The following ACACA variants were observed in gnomAD, a reference collection of about 807,000 sequenced individuals.
ACACA encodes acetyl-CoA carboxylase alpha.
A neutral mutation model predicts 296.1 loss-of-function variants in ACACA; 103 were observed. The observed-to-expected ratio is 0.35, with a 90% CI of 0.30 to 0.41. The LOEUF (loss-of-function observed/expected upper bound fraction) is 0.41. Among genes scored for constraint, ACACA ranks in the 10% least tolerant of loss-of-function variants. The probability of loss-of-function intolerance (pLI) is 1.00; values close to 1 mark genes in which losing one functional copy is unlikely to be tolerated. For synonymous variants in ACACA, 953 were observed against 1,038.6 expected (o/e 0.92, Z 1.58); for missense variants, 1,554 against 2,989.7 (o/e 0.52, Z 11.20).
chr17:37,120,556 C>T lies in ACACA; in HGVS notation c.6274+799G>A, dbSNP rs558921083. ...CTGGGATTACAGGCGTGAGCCACCC[C>T]GCCTGGCCCTATCCTATTGCTTTAG... On this transcript the variant is annotated intron_variant, in intron 50 of 55. Coordinates refer to ENST00000616317, the MANE Select transcript of ACACA (RefSeq NM_198834.3). Among the ~76,000 whole-genome samples the T allele has an allele frequency of 3.3e-5, 5 of 152,214 alleles. No individual in the cohort carries two copies. The East Asian group carries it at 9.6e-4, about 29-fold the overall frequency.
At chr17:37,386,087 C>T in intron 1 of ACACA, 1 of 1,598,834 alleles carries the variant, frequency 6.3e-7, no homozygotes, top group Non-Finnish European at 8.6e-7. Flanking sequence ...CCTTCTATAA[C>T]TCCTGGGAAT....
intron 16 of ACACA, among the ~76,000 whole-genome samples, chr17:37,249,206 C>T (rs896438682): frequency 1.3e-5 from 2 of 152,184 alleles, no homozygotes; most frequent in Non-Finnish European, 2.9e-5. Context: ...TTCTTTAAGG[C>T]TGAATAATAC....
chr17:37,319,384 T>A (rs533492261), intron 3 of ACACA, among the ~76,000 whole-genome samples: 2 of 152,098 alleles, frequency 1.3e-5, no homozygotes, highest in Non-Finnish European at 1.5e-5. Context: ...AGTAAAAAAA[T>A]ATGAATATAT....
intron 43 of ACACA, among the ~76,000 whole-genome samples, 165 bp downstream of exon 43, chr17:37,155,518 G>A (rs536001798): frequency 6.6e-6 from 1 of 152,010 alleles, no homozygotes; most frequent in Non-Finnish European, 1.5e-5. Context: ...ATAACCCAAG[G>A]TTCTTCAGCT....
rs74580926 is a variant in ACACA, at chr17:37,188,218, C to T, written c.4776+59G>A. The T allele has an allele frequency of 4.2e-3, 6,339 of 1,517,404 alleles. 223 individuals are homozygous for T. In the African/African-American group the frequency reaches 0.077, roughly 18 times the overall value. The allele number at this position is 1,517,404 out of a possible 1,614,324, so 94.0% of individuals were successfully genotyped here. The stretch of plus-strand genomic sequence containing the variant: ...GAGTGTGGGTCTTCTATAACAAGGA[C>T]GAGTGTCTTATCTGTAGGACCAAAT... On this transcript the variant is annotated intron_variant, in intron 39 of 55. Transcript: ENST00000616317.
At chr17:37,232,784 T>G (rs1041830746) in intron 25 of ACACA, among the ~76,000 whole-genome samples, 5 of 152,154 alleles carry the variant, frequency 3.3e-5, no homozygotes, top group Non-Finnish European at 4.4e-5. Flanking sequence ...TTTTGTTTTT[T>G]TTTTAAAGAA....
intron 54 of ACACA, 109 bp downstream of exon 54, chr17:37,096,887 T>A: frequency 7.5e-6 from 10 of 1,327,682 alleles, no homozygotes; most frequent in Non-Finnish European, 2.2e-6. Flanking sequence ...TATGTTTCCC[T>A]TCTACTCCTG....
intron 1 of ACACA, among the ~76,000 whole-genome samples, chr17:37,403,047 TTACAAAGACAACAGTGTC>T (rs2051344858): frequency 6.6e-6 from 1 of 152,176 alleles, no homozygotes; most frequent in African/African-American, 2.4e-5. Context: ...AGCACTGAGG[TTACAAAGACAACAGTGTC>T]TGTCCTCAAG....
intron 3 of ACACA, among the ~76,000 whole-genome samples, chr17:37,285,819 G>T (rs1350562957): frequency 1.3e-5 from 2 of 151,978 alleles, no homozygotes; most frequent in African/African-American, 4.8e-5. Flanking sequence ...AACAGAATGA[G>T]ATGGGTGTCT....
At chr17:37,234,599 C>A (rs999389155) in intron 25 of ACACA, among the ~76,000 whole-genome samples, 2 of 151,642 alleles carry the variant, frequency 1.3e-5, no homozygotes, top group African/African-American at 4.9e-5. Flanking sequence ...GACATGAGAG[C>A]CATTGCTTGT....
At position 37,226,276 on chromosome 17, in the gene ACACA, G is replaced by T. The variant is rs185596594; in HGVS notation, c.3360+63C>A. On this transcript the variant is annotated intron_variant, in intron 26 of 55. Transcript: ENST00000616317. ...AAGTGATTAAGCAAAAGTTCATTGTGTCTAGGACTGCCTGATCTATGAAAG... is the reference window on the plus strand; with the variant it reads ...AAGTGATTAAGCAAAAGTTCATTGTTTCTAGGACTGCCTGATCTATGAAAG... 5 of 1,241,238 alleles carry T rather than the reference G, an allele frequency of 4.0e-6. No individual in the cohort carries two copies. In the Admixed American group the frequency reaches 6.7e-5, roughly 17 times the overall value. 76.9% of individuals were successfully genotyped at this position (1,241,238 alleles called of 1,614,324 possible). A position where few individuals can be genotyped will look rare whatever the true frequency, so the allele number is the denominator to read the frequency against.
rs2072261281 is a variant in ACACA at position 37,087,184 on chromosome 17, G to A, written c.*132C>T. The A allele has an allele frequency of 7.8e-6, 10 of 1,277,282 alleles. No homozygotes were observed. Among genetic ancestry groups the A allele is most frequent in the Admixed American group, 1.9e-5 (1 of 53,410 alleles). The allele number at this position is 1,277,282 out of a possible 1,614,324, so 79.1% of individuals were successfully genotyped here. ...CAGGATGTCATGCATAACCTGAAAC[G>A]AGAGGAAGTAAAATGCCATTTGACT... On this transcript the variant is annotated 3_prime_UTR_variant, in exon 56 of 56. Transcript: ENST00000616317.
chr17:37,302,319 C>T (rs1382867078), intron 3 of ACACA, among the ~76,000 whole-genome samples: 7 of 152,086 alleles, frequency 4.6e-5, no homozygotes, highest in Non-Finnish European at 8.8e-5. Flanking sequence ...AAGCGATTCT[C>T]CCGCCTCAGC....
At chr17:37,289,543 A>T (rs1436772707) in intron 3 of ACACA, 1 of 1,335,766 alleles carries the variant, frequency 7.5e-7, no homozygotes, top group Admixed American at 1.9e-5. Flanking sequence ...GGATACAAAA[A>T]TGTCAATCAA....
At position 37,147,681 on chromosome 17, in the gene ACACA, A is replaced by G. The variant is rs373104969; in HGVS notation, c.5679+2183T>C. On this transcript the variant is annotated intron_variant, in intron 45 of 55. Transcript: ENST00000616317. The stretch of plus-strand genomic sequence containing the variant: ...ATAGTGAAGCAGGCAGAGCAACATT[A>G]GGTAACCTCTGTATCTGATCACTCC... 2.6e-4 allele frequency among the ~76,000 whole-genome samples: 39 copies of G among 152,348 alleles called. No individual in the cohort carries two copies. In the East Asian group the frequency reaches 5.2e-3, roughly 20 times the overall value.
Position 37,339,938 on chromosome 17 carries a change from T to C in ACACA, c.39-88A>G. 2.0e-5 allele frequency: 14 copies of C among 701,686 alleles called. 1 individual carries two copies. Among genetic ancestry groups the C allele is most frequent in the Middle Eastern group, 3.2e-4 (1 of 3,164 alleles). The allele number at this position is 701,686 out of a possible 1,614,324, so 43.5% of individuals were successfully genotyped here. On this transcript the variant is annotated intron_variant, in intron 1 of 55. Transcript: ENST00000616317. ...TGTTTTGCTCAGCATAATACAAAGG[T>C]AATAATATATGAAGTATCTATTTTA...
At chr17:37,350,888 T>C (rs976326378) in intron 1 of ACACA, among the ~76,000 whole-genome samples, 1 of 152,088 alleles carries the variant, frequency 6.6e-6, no homozygotes, top group African/African-American at 2.4e-5. Context: ...ATCCCAACAC[T>C]CTGGGAGGCC....
intron 44 of ACACA, among the ~76,000 whole-genome samples, chr17:37,150,481 G>A (rs561151706): frequency 5.9e-5 from 9 of 151,996 alleles, no homozygotes; most frequent in Non-Finnish European, 1.0e-4. Context: ...GGCAGAGGTT[G>A]CAGTGAGCTG....
chr17:37,131,744 T>C (rs2075107854), intron 45 of ACACA, among the ~76,000 whole-genome samples: 1 of 152,216 alleles, frequency 6.6e-6, no homozygotes. Context: ...CAATTGGCCT[T>C]GATTCCATTT....
Sources: gnomAD v4.1 joint callset for allele counts (sites outside exome capture counted in the v4.1 genomes callset) on GRCh38, gnomAD v4.1.1 for gene constraint, MANE v1.5 for transcripts, NCBI Gene and HGNC (gene_info 2026-07-23, HGNC 2026-07-21) for gene names.